Variants in DGKB observed in about 807,000 individuals in gnomAD.
DGKB encodes the protein diacylglycerol kinase beta, also known as 90 kDa diacylglycerol kinase.
In DGKB, 67 loss-of-function variants were observed where a neutral mutation model predicts 114.3. That is an observed-to-expected ratio of 0.59 (90% confidence interval 0.48 to 0.72). The LOEUF is 0.72. Ranked by LOEUF, DGKB falls within the 30% of genes least tolerant of loss-of-function variation. DGKB has a pLI of 0.00. For missense variants in DGKB, 907 were observed against 975.2 expected, an observed-to-expected ratio of 0.93 and a Z score of 0.93; for synonymous variants, 398 against 323.1, an observed-to-expected ratio of 1.23 and a Z score of -2.49.
chr7:14,362,767 A>T (rs1267924523), intron 21 of DGKB, among the ~76,000 whole-genome samples: 1 of 152,118 alleles, frequency 6.6e-6, no homozygotes, highest in Non-Finnish European at 1.5e-5. Context: ...TATTACATGC[A>T]TATTAATGTA....
At chr7:14,855,328 G>A (rs1345077041) in intron 1 of DGKB, among the ~76,000 whole-genome samples, 2 of 152,106 alleles carry the variant, frequency 1.3e-5, no homozygotes, top group Non-Finnish European at 2.9e-5. Context: ...TTCCTTCAGA[G>A]ACAAAATATA....
rs904453025 is a variant in DGKB at position 14,882,441 on chromosome 7, C to G, written c.-188+20151G>C. Among the ~76,000 whole-genome samples the G allele has an allele frequency of 1.1e-4, 17 of 152,036 alleles. No individual in the cohort carries two copies. The East Asian group carries it at 3.1e-3, about 28-fold the overall frequency. On this transcript the variant is annotated intron_variant, in intron 1 of 25. Transcript: ENST00000402815. ...GTTTTAATGTTTGAACTTCTACTTT[C>G]TTTTTCTTATTTAAGTAAATTTTTG...
At chr7:14,583,160 C>A in intron 17 of DGKB, 23 bp from the exon 18 acceptor site, 1 of 1,433,810 alleles carries the variant, frequency 7.0e-7, no homozygotes, top group Non-Finnish European at 9.8e-7. Context: ...CATGTTATGG[C>A]ACATGATTAA....
chr7:14,395,523 A>G lies in DGKB; in HGVS notation c.1836-50132T>C, dbSNP rs1454689387. On this transcript the variant is annotated intron_variant, in intron 21 of 25. Coordinates refer to ENST00000402815, the MANE Select transcript of DGKB (RefSeq NM_001350709.2). ...GGGTAAACATTTATAGTTGCTTATT[A>G]TAAGTTGATGTTCAAACACCATATA... 5.9e-5 allele frequency among the ~76,000 whole-genome samples: 9 copies of G among 152,042 alleles called. No individual in the cohort carries two copies. The East Asian group carries it at 1.4e-3, about 23-fold the overall frequency.
intron 1 of DGKB, among the ~76,000 whole-genome samples, chr7:14,968,631 T>C (rs1787298849): frequency 6.6e-6 from 1 of 152,172 alleles, no homozygotes; most frequent in Non-Finnish European, 1.5e-5. Context: ...AGCCATTGTT[T>C]GGATTCTCCT....
At chr7:14,420,578 T>A (rs747561522) in intron 21 of DGKB, among the ~76,000 whole-genome samples, 1 of 152,198 alleles carries the variant, frequency 6.6e-6, no homozygotes, top group Non-Finnish European at 1.5e-5. Context: ...CAGAGTAGAC[T>A]TAAAAGTGAA....
chr7:14,479,731 G>A (rs1782711021), intron 20 of DGKB, among the ~76,000 whole-genome samples: 1 of 151,882 alleles, frequency 6.6e-6, no homozygotes, highest in Admixed American at 6.6e-5. Context: ...GTCTTACTGT[G>A]GTATGAGATT....
intron 23 of DGKB, among the ~76,000 whole-genome samples, chr7:14,321,242 T>TATC (rs1447110042): frequency 2.0e-5 from 3 of 152,044 alleles, no homozygotes; most frequent in Non-Finnish European, 4.4e-5. Flanking sequence ...AGTAAGCCAG[T>TATC]ATCACATCAC....
intron 4 of DGKB, among the ~76,000 whole-genome samples, chr7:14,747,415 C>T (rs1296226118): frequency 6.6e-6 from 1 of 151,432 alleles, no homozygotes; most frequent in Non-Finnish European, 1.5e-5. Flanking sequence ...AGAAATGTTT[C>T]TTCAATGTGT....
intron 20 of DGKB, among the ~76,000 whole-genome samples, chr7:14,478,898 C>G (rs1237379205): frequency 1.3e-5 from 2 of 151,896 alleles, no homozygotes; most frequent in Non-Finnish European, 2.9e-5. Flanking sequence ...CGGTTCTGAC[C>G]CTAATGGATG....
chr7:14,343,518 TTTC>T (rs1777991442), intron 22 of DGKB, among the ~76,000 whole-genome samples: 1 of 151,770 alleles, frequency 6.6e-6, no homozygotes. Context: ...ACACAACACT[TTTC>T]TTAAAGATTT....
intron 17 of DGKB, among the ~76,000 whole-genome samples, chr7:14,599,362 T>A (rs1045400516): frequency 1.3e-5 from 2 of 152,214 alleles, no homozygotes; most frequent in Admixed American, 1.3e-4. Flanking sequence ...CTTTCTGACA[T>A]CCGACTGCCC....
intron 21 of DGKB, among the ~76,000 whole-genome samples, chr7:14,401,876 T>C (rs1823155995): frequency 6.6e-6 from 1 of 151,818 alleles, no homozygotes; most frequent in South Asian, 2.1e-4. Context: ...GGATGTTTTA[T>C]TCCTTTATGT....
intron 13 of DGKB, among the ~76,000 whole-genome samples, chr7:14,642,253 T>A (rs1811943493): frequency 2.0e-5 from 3 of 152,188 alleles, no homozygotes; most frequent in Admixed American, 1.3e-4. Flanking sequence ...TTCTTTAGTA[T>A]TCTTGACCAT....
chr7:14,240,589 C>T (rs1233981894), intron 23 of DGKB, among the ~76,000 whole-genome samples: 1 of 152,018 alleles, frequency 6.6e-6, no homozygotes, highest in African/African-American at 2.4e-5. Flanking sequence ...CTCTCTATCT[C>T]CTCAACCAAA....
chr7:14,435,497 T>C (rs1381856570), intron 21 of DGKB, among the ~76,000 whole-genome samples: 1 of 152,112 alleles, frequency 6.6e-6, no homozygotes, highest in African/African-American at 2.4e-5. Context: ...CCAACAGAGT[T>C]ATGTGAGTAT....
At chr7:14,467,018 T>G (rs1396932955) in intron 21 of DGKB, among the ~76,000 whole-genome samples, 1 of 152,088 alleles carries the variant, frequency 6.6e-6, no homozygotes. Context: ...TGGTCAAAAA[T>G]GAAAATTTCT....
At chr7:14,324,641 T>C (rs77915169) in intron 23 of DGKB, among the ~76,000 whole-genome samples, 1 of 151,992 alleles carries the variant, frequency 6.6e-6, no homozygotes, top group East Asian at 1.9e-4. Flanking sequence ...AAACAATAAT[T>C]ATACTTTCTA....
In DGKB at chr7:14,695,699, G is replaced by C. The variant is rs538907002; in HGVS notation, c.592-1505C>G. Among the ~76,000 whole-genome samples the C allele has an allele frequency of 7.9e-5, 12 of 151,796 alleles. No individual in the cohort carries two copies. In the East Asian group the frequency reaches 1.4e-3, roughly 17 times the overall value. ...TGTGTGTGTATTTTTAGTAGACACA[G>C]GGTTTCACCATGTTAGCCAGGTTGG... is the stretch of plus-strand genomic sequence containing the variant. On this transcript the variant is annotated intron_variant, in intron 8 of 25. Coordinates refer to ENST00000402815, the MANE Select transcript of DGKB (RefSeq NM_001350709.2).
Sources: allele counts gnomAD v4.1 joint callset (sites outside exome capture counted in the v4.1 genomes callset), GRCh38; gene constraint gnomAD v4.1.1; transcripts MANE v1.5; gene names NCBI Gene and HGNC (gene_info 2026-07-23, HGNC 2026-07-21).